FAM174A: variants seen among roughly 807,000 people sequenced by gnomAD.
The protein encoded by FAM174A is family with sequence similarity 174 member A, also known as membrane protein FAM174A.
A neutral mutation model predicts 14.3 loss-of-function variants in FAM174A; 14 were observed. The ratio of observed to expected loss-of-function variants is 0.98; its 90% CI spans 0.65 to 1.53. FAM174A has a LOEUF of 1.53. Ranked by LOEUF, FAM174A falls within the 40% of genes most tolerant of loss-of-function variation. FAM174A has a pLI of 0.00. For missense variants in FAM174A, 241 were observed against 249.6 expected (o/e 0.97, Z 0.23); for synonymous variants, 108 against 111.4 (o/e 0.97, Z 0.19).
Position 100,560,475 on chromosome 5 carries a change from A to G in FAM174A, c.435-1579A>G, listed in dbSNP as rs531567878. Among the ~76,000 whole-genome samples the G allele has an allele frequency of 2.0e-5, 3 of 152,152 alleles. No individual in the cohort carries two copies. The South Asian group carries it at 6.2e-4, about 32-fold the overall frequency. ...TGCTTAACTCTCTGTTTCCTGTTCCATCACTTTAGACGTGTATATAGATAG... is the reference window on the plus strand; with the variant it reads ...TGCTTAACTCTCTGTTTCCTGTTCCGTCACTTTAGACGTGTATATAGATAG... On this transcript the variant is annotated intron_variant, in intron 1 of 2. Transcript: ENST00000312637.
chr5:100,547,549 T>C (rs543538577), intron 1 of FAM174A, among the ~76,000 whole-genome samples: 1 of 152,104 alleles, frequency 6.6e-6, no homozygotes, highest in African/African-American at 2.4e-5. Flanking sequence ...AAAACAAGTA[T>C]AAAATGAAGC....
chr5:100,543,483 T>C (rs1407131580), intron 1 of FAM174A, among the ~76,000 whole-genome samples: 1 of 152,222 alleles, frequency 6.6e-6, no homozygotes, highest in Non-Finnish European at 1.5e-5. Flanking sequence ...GACAGAACAA[T>C]GCAGAATATG....
chr5:100,574,620 C>T (rs1746863275), intron 2 of FAM174A, among the ~76,000 whole-genome samples: 1 of 152,050 alleles, frequency 6.6e-6, no homozygotes, highest in Non-Finnish European at 1.5e-5. Context: ...TTTGGCTTTA[C>T]TTCTATTCCT....
intron 2 of FAM174A, among the ~76,000 whole-genome samples, chr5:100,577,602 C>G (rs540883564): frequency 6.6e-6 from 1 of 151,992 alleles, no homozygotes; most frequent in African/African-American, 2.4e-5. Context: ...TACTGTAGTT[C>G]TAATTTCTAA....
chr5:100,584,465 A>G (rs1025003880), intron 2 of FAM174A, among the ~76,000 whole-genome samples: 14 of 152,184 alleles, frequency 9.2e-5, no homozygotes, highest in African/African-American at 3.4e-4. Flanking sequence ...TGGTCAACAG[A>G]AGCTGCTTCT....
intron 1 of FAM174A, among the ~76,000 whole-genome samples, chr5:100,541,141 A>G (rs1580362033): frequency 6.6e-6 from 1 of 152,192 alleles, no homozygotes; most frequent in African/African-American, 2.4e-5. Flanking sequence ...AATGACTGTT[A>G]TATCTCTCAA....
At chr5:100,551,985 A>G (rs562242498) in intron 1 of FAM174A, among the ~76,000 whole-genome samples, 43 of 152,310 alleles carry the variant, frequency 2.8e-4, no homozygotes, top group South Asian at 6.2e-4. Flanking sequence ...GGACTTCAAC[A>G]TATGAATTTT....
At chr5:100,539,808 A>G (rs1327192407) in intron 1 of FAM174A, among the ~76,000 whole-genome samples, 2 of 152,224 alleles carry the variant, frequency 1.3e-5, no homozygotes, top group Middle Eastern at 3.2e-3. Flanking sequence ...TAGCTTATTT[A>G]TGGAGAAAAA....
chr5:100,580,676 T>A (rs999759698), intron 2 of FAM174A, among the ~76,000 whole-genome samples: 2 of 152,220 alleles, frequency 1.3e-5, no homozygotes, highest in African/African-American at 4.8e-5. Flanking sequence ...GGTAGCACCC[T>A]TACAGACATA....
intron 1 of FAM174A, among the ~76,000 whole-genome samples, chr5:100,558,994 T>A (rs1490688438): frequency 1.3e-5 from 2 of 152,188 alleles, no homozygotes; most frequent in Non-Finnish European, 2.9e-5. Flanking sequence ...TGTTAGCTGG[T>A]TATTCTGCTC....
intron 2 of FAM174A, among the ~76,000 whole-genome samples, chr5:100,578,087 A>G (rs1430135334): frequency 2.0e-5 from 3 of 152,122 alleles, no homozygotes; most frequent in Non-Finnish European, 4.4e-5. Context: ...ATAGGAATCC[A>G]TTGCTATAAC....
At chr5:100,572,411 C>A (rs1161393114) in intron 2 of FAM174A, among the ~76,000 whole-genome samples, 1 of 149,518 alleles carries the variant, frequency 6.7e-6, no homozygotes, top group Admixed American at 6.7e-5. Context: ...CTCCCCCCAC[C>A]CCACAACAGT....
intron 1 of FAM174A, among the ~76,000 whole-genome samples, chr5:100,543,528 A>G (rs1329558857): frequency 6.6e-6 from 1 of 152,176 alleles, no homozygotes; most frequent in Non-Finnish European, 1.5e-5. Context: ...GGGTAGCACA[A>G]TTCTATGGCA....
At chr5:100,582,231 G>GT (rs148505092) in intron 2 of FAM174A, among the ~76,000 whole-genome samples, 81 of 147,088 alleles carry the variant, frequency 5.5e-4, no homozygotes, top group Middle Eastern at 3.5e-3. Context: ...AGTGTTACAT[G>GT]TTTTTTTTTA....
intron 1 of FAM174A, among the ~76,000 whole-genome samples, chr5:100,540,191 TGTG>T (rs976927318): frequency 3.3e-5 from 5 of 152,236 alleles, no homozygotes; most frequent in African/African-American, 1.2e-4. Flanking sequence ...CTAGAAGTCT[TGTG>T]GTACCAGCCC....
intron 1 of FAM174A, among the ~76,000 whole-genome samples, chr5:100,553,334 A>C (rs767404645): frequency 6.6e-6 from 1 of 152,040 alleles, no homozygotes; most frequent in Non-Finnish European, 1.5e-5. Flanking sequence ...GTGTTTGTTG[A>C]ATCACCCAAG....
intron 2 of FAM174A, among the ~76,000 whole-genome samples, chr5:100,584,440 TGG>T (rs1174520113): frequency 6.6e-6 from 1 of 152,202 alleles, no homozygotes; most frequent in African/African-American, 2.4e-5. Flanking sequence ...CTGGGGACTC[TGG>T]TCTGTTGCCT....
At chr5:100,565,232 A>G (rs1746617457) in intron 2 of FAM174A, among the ~76,000 whole-genome samples, 1 of 151,862 alleles carries the variant, frequency 6.6e-6, no homozygotes, top group Admixed American at 6.6e-5. Flanking sequence ...AATAGAACAC[A>G]TTAATAGGTT....
At chr5:100,581,887 A>G (rs1435572154) in intron 2 of FAM174A, among the ~76,000 whole-genome samples, 1 of 152,208 alleles carries the variant, frequency 6.6e-6, no homozygotes, top group East Asian at 1.9e-4. Context: ...CTAGATCATA[A>G]TAGTTATGCT....
Sources: allele counts gnomAD v4.1 joint callset (sites outside exome capture counted in the v4.1 genomes callset), GRCh38; gene constraint gnomAD v4.1.1; transcripts MANE v1.5; gene names NCBI Gene and HGNC (gene_info 2026-07-23, HGNC 2026-07-21).